Variants in MAF observed in about 807,000 individuals in gnomAD.
The protein encoded by MAF is transcription factor Maf.
In MAF, 10 loss-of-function variants were observed where a neutral mutation model predicts 22.0. The ratio of observed to expected loss-of-function variants is 0.45; its 90% confidence interval spans 0.28 to 0.77. The LOEUF is 0.77. Ranked by LOEUF, MAF falls within the 30% of genes least tolerant of loss-of-function variation. The pLI, the probability that MAF is intolerant of heterozygous loss-of-function variation, is 0.12. For missense variants in MAF, 544 were observed against 548.4 expected (o/e 0.99, Z 0.08); for synonymous variants, 337 against 255.8 (o/e 1.32, Z -3.03).
chr16:79,263,067 G>A, the MAF span, among the ~76,000 whole-genome samples: 4 of 152,156 alleles, frequency 2.6e-5, no homozygotes, highest in Non-Finnish European at 4.4e-5. Flanking sequence ...GTGTGGCCCA[G>A]TGTTAATGCA....
the MAF span, among the ~76,000 whole-genome samples, chr16:79,327,902 G>A: frequency 6.6e-6 from 1 of 152,148 alleles, no homozygotes; most frequent in African/African-American, 2.4e-5. Flanking sequence ...ATCACCATTT[G>A]ATCGCCAGAA....
the MAF span, among the ~76,000 whole-genome samples, chr16:79,286,735 G>T: frequency 6.6e-6 from 1 of 152,146 alleles, no homozygotes; most frequent in Non-Finnish European, 1.5e-5. Flanking sequence ...CCCAGACAGA[G>T]GCAAATGCCC....
chr16:79,562,818 G>A, the MAF span, among the ~76,000 whole-genome samples: 28 of 152,242 alleles, frequency 1.8e-4, no homozygotes, highest in African/African-American at 6.7e-4. Flanking sequence ...CCAGGAAGTG[G>A]GTCTGGTTAT....
the MAF span, among the ~76,000 whole-genome samples, chr16:79,215,062 C>T: frequency 1.3e-5 from 2 of 152,160 alleles, no homozygotes; most frequent in African/African-American, 4.8e-5. Context: ...CCCCTTCTCC[C>T]CATTTTACTG....
the MAF span, among the ~76,000 whole-genome samples, chr16:79,412,761 T>G: frequency 2.6e-5 from 4 of 152,180 alleles, no homozygotes; most frequent in African/African-American, 9.6e-5. Flanking sequence ...ACTCCAGAGC[T>G]TAAAGCTGTC....
At chr16:79,497,760 G>C in the MAF span, among the ~76,000 whole-genome samples, 15 of 152,184 alleles carry the variant, frequency 9.9e-5, no homozygotes, top group Admixed American at 2.0e-4. Context: ...GAAGTAATTG[G>C]AAGAGACAAG....
the MAF span, among the ~76,000 whole-genome samples, chr16:79,240,541 G>C: frequency 0.036 from 4,428 of 123,160 alleles, 105 homozygotes; most frequent in East Asian, 0.06. Flanking sequence ...AGCAGCCCCA[G>C]TTAGGGGCTT....
the MAF span, among the ~76,000 whole-genome samples, chr16:79,305,908 T>A: frequency 3.9e-5 from 6 of 152,286 alleles, no homozygotes; most frequent in South Asian, 1.2e-3. Context: ...CACAGCATGC[T>A]TTTCTGCCAC....
At chr16:79,472,374 G>T in the MAF span, among the ~76,000 whole-genome samples, 1 of 152,248 alleles carries the variant, frequency 6.6e-6, no homozygotes, top group East Asian at 1.9e-4. Flanking sequence ...TATCCCGAAT[G>T]TCCATCAACT....
chr16:79,340,322 G>A, the MAF span, among the ~76,000 whole-genome samples: 6 of 151,772 alleles, frequency 4.0e-5, no homozygotes, highest in African/African-American at 1.2e-4. Context: ...TCACGATGAT[G>A]ATGATGAGCA....
chr16:79,318,271 G>A, the MAF span, among the ~76,000 whole-genome samples: 1 of 152,160 alleles, frequency 6.6e-6, no homozygotes, highest in African/African-American at 2.4e-5. Flanking sequence ...GCAGGGCTCT[G>A]CTTGAGAGCA....
At chr16:79,215,131 G>C in the MAF span, among the ~76,000 whole-genome samples, 2 of 152,170 alleles carry the variant, frequency 1.3e-5, no homozygotes, top group Non-Finnish European at 2.9e-5. Flanking sequence ...CTCATAAATT[G>C]ATAGAGCTGC....
At chr16:79,309,304 C>T in the MAF span, among the ~76,000 whole-genome samples, 1 of 152,086 alleles carries the variant, frequency 6.6e-6, no homozygotes, top group Non-Finnish European at 1.5e-5. Flanking sequence ...TATATAATTG[C>T]CTTTATTGGC....
At chr16:79,597,412 TAA>T in intron 1 of MAF, 1 of 1,031,228 alleles carries the variant, frequency 9.7e-7, no homozygotes, top group Non-Finnish European at 1.2e-6. Flanking sequence ...TTTCTCTTTT[TAA>T]AAAATAAATT....
At chr16:79,373,359 C>CCTTTT in the MAF span, among the ~76,000 whole-genome samples, 2 of 33,300 alleles carry the variant, frequency 6.0e-5, no homozygotes, top group Non-Finnish European at 1.2e-4. Context: ...GGACTGGTAG[C>CCTTTT]TTTTTTTTTT....
chr16:79,562,730 G>T, the MAF span, among the ~76,000 whole-genome samples: 1 of 152,104 alleles, frequency 6.6e-6, no homozygotes. Flanking sequence ...CCACAAAGCT[G>T]TTGTCCAGGG....
chr16:79,301,630 TC>T, the MAF span, among the ~76,000 whole-genome samples: 3 of 152,214 alleles, frequency 2.0e-5, no homozygotes, highest in Non-Finnish European at 4.4e-5. Context: ...TTTTATTATA[TC>T]TATGTGTGTA....
the MAF span, among the ~76,000 whole-genome samples, chr16:79,571,481 T>C: frequency 9.3e-5 from 14 of 151,070 alleles, no homozygotes; most frequent in Admixed American, 9.3e-4. Flanking sequence ...TAATTCTTTC[T>C]AGCCTGGTGC....
At chr16:79,521,431 G>T in the MAF span, among the ~76,000 whole-genome samples, 2 of 152,162 alleles carry the variant, frequency 1.3e-5, no homozygotes, top group African/African-American at 4.8e-5. Context: ...GGAAAAGTTC[G>T]CACTCAGCAT....
Sources: allele counts gnomAD v4.1 joint callset (sites outside exome capture counted in the v4.1 genomes callset), GRCh38; gene constraint gnomAD v4.1.1; transcripts MANE v1.5; gene names NCBI Gene and HGNC (gene_info 2026-07-23, HGNC 2026-07-21).